LAMB1: variants seen among roughly 807,000 people sequenced by gnomAD.
LAMB1 encodes the protein laminin subunit beta 1.
Under a neutral mutation model 222.3 loss-of-function variants are expected in LAMB1, and 121 were observed. The ratio of observed to expected loss-of-function variants is 0.54; its 90% CI spans 0.47 to 0.63. The LOEUF (loss-of-function observed/expected upper bound fraction) is 0.63. LAMB1 is among the 30% of genes least tolerant of loss of function. The pLI is 0.00. For missense variants in LAMB1, 2,172 were observed against 2,240.8 expected (o/e 0.97, Z 0.62); for synonymous variants, 794 against 807.2 (o/e 0.98, Z 0.28).
At chr7:107,934,881 C>T (rs1462476567) in intron 27 of LAMB1, among the ~76,000 whole-genome samples, 4 of 112,980 alleles carry the variant, frequency 3.5e-5, no homozygotes, top group African/African-American at 1.4e-4. Context: ...GCCTGGGCAA[C>T]GTAGTGAGAC....
intron 28 of LAMB1, chr7:107,931,868 A>AG: frequency 2.0e-6 from 1 of 507,676 alleles, no homozygotes; most frequent in South Asian, 2.3e-5. Context: ...TTTGTCATAC[A>AG]GCTGGATGTA....
At chr7:108,001,996 C>G in intron 2 of LAMB1, 1 of 1,444,092 alleles carries the variant, frequency 6.9e-7, no homozygotes, top group Non-Finnish European at 9.1e-7. Context: ...CCGGGAAACC[C>G]ACCGACGCTC....
At chr7:107,982,655 A>G (rs2033995965) in intron 7 of LAMB1, among the ~76,000 whole-genome samples, 1 of 152,094 alleles carries the variant, frequency 6.6e-6, no homozygotes, top group Non-Finnish European at 1.5e-5. Flanking sequence ...AAACCCTTGA[A>G]CTGACCTTTG....
intron 30 of LAMB1, 80 bp from the exon 31 acceptor site, chr7:107,929,285 G>C: frequency 6.5e-7 from 1 of 1,550,384 alleles, no homozygotes; most frequent in Non-Finnish European, 8.9e-7. Flanking sequence ...TTAAAGAATA[G>C]CCTTCCTGAA....
intron 21 of LAMB1, among the ~76,000 whole-genome samples, chr7:107,955,060 C>T (rs186007964): frequency 1.7e-4 from 26 of 152,272 alleles, no homozygotes; most frequent in Non-Finnish European, 2.9e-4. Context: ...AGAATATATT[C>T]GGCCATCTTG....
chr7:107,929,829 AC>A, intron 29 of LAMB1: 1 of 585,510 alleles, frequency 1.7e-6, no homozygotes. Flanking sequence ...ACAATTGAGT[AC>A]TACTAGAATT....
rs1013657860 is a variant in LAMB1 at position 107,991,833 on chromosome 7, G to A, written c.423+3054C>T. ...TAAGGCAGAAGAATCGCTTGAACCC[G>A]GGAGGTGGAGCTTGCAGTGAGCTGA... On this transcript the variant is annotated intron_variant, in intron 5 of 33. Coordinates refer to ENST00000222399, the MANE Select transcript of LAMB1 (RefSeq NM_002291.3). Among the ~76,000 whole-genome samples, 14 of 150,448 alleles carry A rather than the reference G, an allele frequency of 9.3e-5. 1 individual carries two copies. The South Asian group carries it at 2.1e-3, about 23-fold the overall frequency.
rs1323950868 is a variant in LAMB1, at chr7:107,924,344, A to C, written c.5110T>G (p.Leu1704Val). 1.9e-6 allele frequency: 3 copies of C among 1,612,030 alleles called. No individual in the cohort carries two copies. In the African/African-American group the frequency reaches 4.0e-5, roughly 22 times the overall value. Residue 1704 changes from leucine to valine, a missense_variant, in exon 33 of 34, where the codon TTA (leucine) becomes GTA (valine). Coordinates refer to ENST00000222399, the MANE Select transcript of LAMB1 (RefSeq NM_002291.3). ...LDEKYKKVEN[L>V]IAKKTEESAD... ...GACTCTTCAGTTTTTTTGGCAATTAAATTTTCTACTTTTTTATACTTTTCA... is the reference window on the plus strand; with the variant it reads ...GACTCTTCAGTTTTTTTGGCAATTACATTTTCTACTTTTTTATACTTTTCA...
chr7:107,950,255 A>G (rs2033213065), intron 24 of LAMB1, among the ~76,000 whole-genome samples: 1 of 152,176 alleles, frequency 6.6e-6, no homozygotes, highest in Non-Finnish European at 1.5e-5. Context: ...TCAAGAGTCC[A>G]ACAGAGACCT....
intron 5 of LAMB1, 109 bp from the exon 6 acceptor site, chr7:107,986,472 A>C (rs2150446779): frequency 3.6e-6 from 3 of 834,780 alleles, no homozygotes; most frequent in Non-Finnish European, 5.6e-6. Context: ...CTTGAACTGC[A>C]TATGGTTTGT....
Position 107,955,561 on chromosome 7 carries a change from T to C in LAMB1, c.2760A>G (p.Pro920=). 1 of 1,614,116 alleles carries C rather than the reference T, an allele frequency of 6.2e-7. No homozygotes were observed. Among genetic ancestry groups the C allele is most frequent in the Non-Finnish European group, 8.5e-7 (1 of 1,180,002 alleles). Residue 920 remains proline, a synonymous_variant, in exon 21 of 34, where the codon CCA becomes CCG. Coordinates refer to ENST00000222399, the MANE Select transcript of LAMB1 (RefSeq NM_002291.3). ...ACTGGCGTCCACTGTCGGGACCATCTGGGCAAGGGCAAGGGCGGCAGTGAT... is the reference window on the plus strand; with the variant it reads ...ACTGGCGTCCACTGTCGGGACCATCCGGGCAAGGGCAAGGGCGGCAGTGAT... ...SGDHCRPCPC[P]DGPDSGRQFA...
intron 24 of LAMB1, among the ~76,000 whole-genome samples, chr7:107,942,902 A>C (rs1461663966): frequency 2.0e-5 from 3 of 152,176 alleles, no homozygotes; most frequent in African/African-American, 7.2e-5. Context: ...TTAGAATATT[A>C]ATTCCTCAAC....
At chr7:107,985,181 A>G (rs1403701708) in intron 7 of LAMB1, among the ~76,000 whole-genome samples, 2 of 152,232 alleles carry the variant, frequency 1.3e-5, no homozygotes, top group African/African-American at 4.8e-5. Flanking sequence ...ATGTAAATGT[A>G]TTCCCTATCA....
At position 107,939,226 on chromosome 7, in the gene LAMB1, G is replaced by A. The variant is rs114715681; in HGVS notation, c.3761+763C>T. 8.5e-3 allele frequency among the ~76,000 whole-genome samples: 1,299 copies of A among 152,158 alleles called. 22 individuals are homozygous for A. The highest frequency in any genetic ancestry group is 0.03 in the African/African-American group (1,233 of 41,506). ...GGTTCCTTTTTGGCAAAAGGAGTTG[G>A]GAAGTTTAGGGGCAAGAGAGGGGAG... is the stretch of plus-strand genomic sequence containing the variant. On this transcript the variant is annotated intron_variant, in intron 25 of 33. Transcript: ENST00000222399.
At chr7:107,941,822 CTTTTTTTTTTTTTTTTTTTTTTTT>C (rs774447066) in intron 24 of LAMB1, among the ~76,000 whole-genome samples, 24 of 31,842 alleles carry the variant, frequency 7.5e-4, no homozygotes, top group African/African-American at 3.5e-3. Context: ...CCACACCCGG[CTTTTTTTTTTTTTTTTTTTTTTTT>C]TTTTTTTTTT....
chr7:107,974,904 C>T (rs1214009693), intron 12 of LAMB1, 82 bp downstream of exon 12: 1 of 808,110 alleles, frequency 1.2e-6, no homozygotes, highest in Non-Finnish European at 2.2e-6. Flanking sequence ...TGATCGCAGA[C>T]TCTACAATGG....
At chr7:107,964,490 T>A in intron 14 of LAMB1, 62 bp downstream of exon 14, 1 of 1,596,956 alleles carries the variant, frequency 6.3e-7, no homozygotes, top group Non-Finnish European at 8.6e-7. Flanking sequence ...TTACAAAGCA[T>A]GTATGTTCCA....
In LAMB1 at chr7:107,926,358, A is replaced by G. The variant is rs773746610; in HGVS notation, c.4889T>C (p.Ile1630Thr). Residue 1630 changes from isoleucine (I) to threonine (T), a missense_variant and splice_region_variant, in exon 32 of 34, where the codon ATT becomes ACT. By Grantham distance (89) the Ile-to-Thr change is moderately conservative. Coordinates refer to ENST00000222399, the MANE Select transcript of LAMB1 (RefSeq NM_002291.3). ...IQGTQNLLTS[I>T]ESETAASEET... The stretch of plus-strand genomic sequence containing the variant: ...CTCAGAAGCTGCTGTTTCAGACTCA[A>G]TCTAAAAGCATGTCAATTTTCCAGC... 1.1e-5 allele frequency: 18 copies of G among 1,611,140 alleles called. No homozygotes were observed. The Admixed American group carries it at 2.3e-4, about 21-fold the overall frequency.
chr7:107,959,631 C>A (rs199519195), intron 19 of LAMB1, 60 bp downstream of exon 19: 1 of 1,613,868 alleles, frequency 6.2e-7, no homozygotes, highest in African/African-American at 1.3e-5. Flanking sequence ...GCAATGGAAC[C>A]CTGCCACAAT....
Sources: gnomAD v4.1 joint callset for allele counts (sites outside exome capture counted in the v4.1 genomes callset) on GRCh38, gnomAD v4.1.1 for gene constraint, MANE v1.5 for transcripts, NCBI Gene and HGNC (gene_info 2026-07-23, HGNC 2026-07-21) for gene names.